Variants in CTIF observed in about 807,000 individuals in gnomAD.
The protein encoded by CTIF is cap binding complex dependent translation initiation factor.
In CTIF, 21 loss-of-function variants were observed where a neutral mutation model predicts 66.0. That is an observed-to-expected ratio of 0.32 (90% CI 0.23 to 0.46). CTIF has a LOEUF of 0.46. Ranked by LOEUF, CTIF falls within the 20% of genes least tolerant of loss-of-function variation. The pLI is 1.00. For synonymous variants in CTIF, 345 were observed against 326.4 expected (o/e 1.06, Z -0.62); for missense variants, 739 against 812.7 (o/e 0.91, Z 1.10).
At chr18:48,741,919 G>C (rs567310729) in intron 7 of CTIF, among the ~76,000 whole-genome samples, 148 of 152,308 alleles carry the variant, frequency 9.7e-4, no homozygotes, top group African/African-American at 3.5e-3. Context: ...CCAAGGGCTT[G>C]ACACCTGCCT....
intron 3 of CTIF, among the ~76,000 whole-genome samples, chr18:48,648,877 TGGGAGGCTGAGGC>T (rs1172221163): frequency 2.6e-5 from 4 of 152,204 alleles, no homozygotes; most frequent in Non-Finnish European, 5.9e-5. Context: ...CCCAGCACTT[TGGGAGGCTGAGGC>T]GGGTGGATCA....
At chr18:48,734,373 T>C (rs6507864) in intron 7 of CTIF, among the ~76,000 whole-genome samples, 115,849 of 152,206 alleles carry the variant, frequency 0.76, 44,640 homozygotes, top group African/African-American at 0.88. Flanking sequence ...CAAGACAGGC[T>C]TGGCCAACAT....
intron 2 of CTIF, among the ~76,000 whole-genome samples, chr18:48,622,086 G>T (rs1020247988): frequency 6.6e-6 from 1 of 152,220 alleles, no homozygotes; most frequent in Non-Finnish European, 1.5e-5. Flanking sequence ...TTTCTCCAGG[G>T]AATACAGTGG....
chr18:48,655,296 C>G lies in CTIF; in HGVS notation c.253-8456C>G, dbSNP rs1341352250. Among the ~76,000 whole-genome samples, 3 of 41,364 alleles carry G rather than the reference C, an allele frequency of 7.3e-5. No homozygotes were observed. In the East Asian group the frequency reaches 3.0e-3, roughly 42 times the overall value. 27.1% of individuals were successfully genotyped at this position (41,364 alleles called of 152,430 possible). ...CTCCAGCCTGGGCCATAGAGCAAGACTAAAAAAAAAAAAAAAAAAAAAAAG... is the reference window on the plus strand; with the variant it reads ...CTCCAGCCTGGGCCATAGAGCAAGAGTAAAAAAAAAAAAAAAAAAAAAAAG... On this transcript the variant is annotated intron_variant, in intron 3 of 11. Coordinates refer to ENST00000256413, the MANE Select transcript of CTIF (RefSeq NM_014772.3).
chr18:48,777,614 A>G (rs7242544), intron 9 of CTIF, among the ~76,000 whole-genome samples: 2 of 152,156 alleles, frequency 1.3e-5, no homozygotes, highest in Non-Finnish European at 2.9e-5. Flanking sequence ...ATTCCCTGGG[A>G]ACAGTGCCTG....
chr18:48,565,313 C>T (rs1214838780), intron 1 of CTIF: 2 of 152,184 alleles, frequency 1.3e-5, no homozygotes, highest in African/African-American at 4.8e-5. Context: ...AGGGCCTTGC[C>T]TTCCCTTCTA....
chr18:48,736,720 G>A (rs1032740730), intron 7 of CTIF, among the ~76,000 whole-genome samples: 4 of 152,168 alleles, frequency 2.6e-5, no homozygotes, highest in Admixed American at 2.0e-4. Flanking sequence ...GACCTGCCGC[G>A]CCATGGCCAG....
intron 10 of CTIF, among the ~76,000 whole-genome samples, chr18:48,822,499 A>G (rs972537893): frequency 1.5e-5 from 1 of 64,842 alleles, no homozygotes; most frequent in Non-Finnish European, 3.1e-5. Context: ...CCCCACCCCC[A>G]CCCCCAACAC....
intron 10 of CTIF, among the ~76,000 whole-genome samples, chr18:48,823,059 A>T (rs1362938351): frequency 1.3e-5 from 2 of 151,888 alleles, no homozygotes; most frequent in African/African-American, 4.9e-5. Context: ...TATTTTGGAC[A>T]TTAACTCTTT....
At chr18:48,662,406 G>C (rs299747) in intron 3 of CTIF, 135,311 of 152,092 alleles carry the variant, frequency 0.89, 60,605 homozygotes, top group East Asian at 1. Context: ...AGGGACCAGT[G>C]TTCATGTTAT....
At chr18:48,859,117 G>A (rs746783823) in intron 11 of CTIF, among the ~76,000 whole-genome samples, 2 of 152,132 alleles carry the variant, frequency 1.3e-5, no homozygotes, top group Non-Finnish European at 2.9e-5. Context: ...GGCAATATTC[G>A]GATCCCTCTG....
At chr18:48,711,091 G>T (rs2092217636) in intron 6 of CTIF, among the ~76,000 whole-genome samples, 1 of 152,194 alleles carries the variant, frequency 6.6e-6, no homozygotes. Flanking sequence ...TTTCACTGGG[G>T]GTGCCTGGAC....
intron 3 of CTIF, among the ~76,000 whole-genome samples, chr18:48,637,797 GC>G (rs2090851356): frequency 6.6e-6 from 1 of 152,100 alleles, no homozygotes; most frequent in African/African-American, 2.4e-5. Flanking sequence ...CATAATAAGA[GC>G]CCCGGGGGTG....
intron 10 of CTIF, among the ~76,000 whole-genome samples, chr18:48,854,203 G>T (rs1017330252): frequency 6.6e-6 from 1 of 152,034 alleles, no homozygotes. Context: ...GAATGTGCAT[G>T]GGGGGGAAAG....
At chr18:48,660,956 G>T (rs1446971308) in intron 3 of CTIF, among the ~76,000 whole-genome samples, 2 of 152,194 alleles carry the variant, frequency 1.3e-5, no homozygotes, top group Non-Finnish European at 2.9e-5. Context: ...ACGGGCCTCG[G>T]ATCCTAGGAC....
At chr18:48,796,090 G>A (rs4939812) in intron 9 of CTIF, among the ~76,000 whole-genome samples, 4 of 152,206 alleles carry the variant, frequency 2.6e-5, no homozygotes, top group South Asian at 2.1e-4. Flanking sequence ...CCACTTCCCG[G>A]GTTAAAGTGA....
chr18:48,792,626 G>C (rs2067818636), intron 9 of CTIF, among the ~76,000 whole-genome samples: 1 of 152,182 alleles, frequency 6.6e-6, no homozygotes, highest in Admixed American at 6.5e-5. Flanking sequence ...GAAGTGATTA[G>C]GGTGAAGGGA....
At chr18:48,546,032 G>C (rs1459262483) in intron 1 of CTIF, among the ~76,000 whole-genome samples, 2 of 152,170 alleles carry the variant, frequency 1.3e-5, no homozygotes, top group African/African-American at 2.4e-5. Context: ...ACAGTGAGCA[G>C]AGCCCTGTCC....
At chr18:48,617,667 C>T (rs1262034858) in intron 1 of CTIF, among the ~76,000 whole-genome samples, 1 of 152,180 alleles carries the variant, frequency 6.6e-6, no homozygotes, top group Non-Finnish European at 1.5e-5. Flanking sequence ...CAGTACCTCC[C>T]ATGCCCCTGC....
Sources: gnomAD v4.1 joint callset for allele counts (sites outside exome capture counted in the v4.1 genomes callset) on GRCh38, gnomAD v4.1.1 for gene constraint, MANE v1.5 for transcripts, NCBI Gene and HGNC (gene_info 2026-07-23, HGNC 2026-07-21) for gene names.